The following EYA1 variants were observed in gnomAD, a reference collection of about 807,000 sequenced individuals.
EYA1 encodes the protein protein phosphatase EYA1.
Under a neutral mutation model 82.0 loss-of-function variants are expected in EYA1, and 16 were observed. That is an observed-to-expected ratio of 0.20 (90% CI 0.13 to 0.30). The LOEUF is 0.30. Ranked by LOEUF, EYA1 falls within the 10% of genes least tolerant of loss-of-function variation. The pLI is 1.00. For synonymous variants in EYA1, 261 were observed against 264.4 expected (o/e 0.99, Z 0.12); for missense variants, 633 against 730.7 (o/e 0.87, Z 1.54).
chr8:71,372,960 T>C (rs78363885), intron 2 of EYA1, among the ~76,000 whole-genome samples: 2,786 of 152,092 alleles, frequency 0.018, 41 homozygotes, highest in South Asian at 0.081. Context: ...CTCAATGAAA[T>C]AGGTGTAGAA....
chr8:71,285,102 C>T (rs550850665), intron 9 of EYA1, among the ~76,000 whole-genome samples: 7 of 152,286 alleles, frequency 4.6e-5, no homozygotes, highest in South Asian at 2.1e-4. Flanking sequence ...GGTAATGAAA[C>T]GTTGACGAAC....
At chr8:71,368,131 G>C (rs1827862813) in intron 2 of EYA1, among the ~76,000 whole-genome samples, 1 of 152,162 alleles carries the variant, frequency 6.6e-6, no homozygotes, top group South Asian at 2.1e-4. Context: ...GAAATACAGA[G>C]TAAAGCAAAG....
intron 2 of EYA1, among the ~76,000 whole-genome samples, chr8:71,449,657 A>G (rs1029893717): frequency 6.6e-6 from 1 of 152,224 alleles, no homozygotes; most frequent in Non-Finnish European, 1.5e-5. Flanking sequence ...CAATGGATTC[A>G]ACTTAAACTC....
chr8:71,425,574 GA>G (rs35543899), intron 2 of EYA1, among the ~76,000 whole-genome samples: 1 of 152,132 alleles, frequency 6.6e-6, no homozygotes, highest in East Asian at 1.9e-4. Context: ...CATAAGGGGG[GA>G]AATTTCCCTT....
chr8:71,299,871 T>C, intron 7 of EYA1, 151 bp from the exon 8 acceptor site: 1 of 624,812 alleles, frequency 1.6e-6, no homozygotes, highest in South Asian at 1.8e-5. Context: ...TTTCTTAACA[T>C]AGTTGATGAT....
At chr8:71,503,855 TG>T (rs1246013893) in intron 2 of EYA1, among the ~76,000 whole-genome samples, 1 of 152,134 alleles carries the variant, frequency 6.6e-6, no homozygotes, top group Non-Finnish European at 1.5e-5. Flanking sequence ...TGAATCTAGG[TG>T]TCTCCAATTC....
At chr8:71,365,998 C>A (rs762893310), upstream of EYA1, among the ~76,000 whole-genome samples, 1 of 152,118 alleles carries the variant, frequency 6.6e-6, no homozygotes. Flanking sequence ...TATTTTAATA[C>A]ATATTACAGT....
chr8:71,450,550 A>C (rs1347650489), intron 2 of EYA1, among the ~76,000 whole-genome samples: 1 of 152,226 alleles, frequency 6.6e-6, no homozygotes, highest in Non-Finnish European at 1.5e-5. Context: ...AGATTATCAT[A>C]ACAGATACAA....
intron 4 of EYA1, among the ~76,000 whole-genome samples, chr8:71,331,735 C>T (rs1320428721): frequency 6.6e-6 from 1 of 152,108 alleles, no homozygotes; most frequent in African/African-American, 2.4e-5. Context: ...TTTCTCAAGA[C>T]ACGTTTTAAA....
intron 2 of EYA1, among the ~76,000 whole-genome samples, chr8:71,452,071 T>C (rs1807428414): frequency 6.6e-6 from 1 of 152,202 alleles, no homozygotes; most frequent in Non-Finnish European, 1.5e-5. Flanking sequence ...ACTCCCACCC[T>C]AATACTGCAC....
chr8:71,464,856 A>G (rs1808662492), intron 2 of EYA1, among the ~76,000 whole-genome samples: 1 of 152,194 alleles, frequency 6.6e-6, no homozygotes, highest in East Asian at 1.9e-4. Context: ...CCTATTGGTG[A>G]TCTTGCAAAG....
chr8:71,467,181 TA>T (rs1450783761), intron 2 of EYA1, among the ~76,000 whole-genome samples: 5 of 152,038 alleles, frequency 3.3e-5, no homozygotes, highest in Non-Finnish European at 7.4e-5. Context: ...ATATATACAT[TA>T]TTTTAAAAAA....
At chr8:71,221,154 C>G (rs1809857752) in intron 12 of EYA1, among the ~76,000 whole-genome samples, 1 of 152,162 alleles carries the variant, frequency 6.6e-6, no homozygotes, top group South Asian at 2.1e-4. Context: ...TGGTCCACCG[C>G]TTGTCCTTGT....
At chr8:71,272,038 G>T in intron 9 of EYA1, 141 bp from the exon 10 acceptor site, 1 of 881,278 alleles carries the variant, frequency 1.1e-6, no homozygotes. Flanking sequence ...TTTTACTTGC[G>T]CTGGTAAATA....
chr8:71,375,204 C>A (rs149606960), intron 2 of EYA1, among the ~76,000 whole-genome samples: 1 of 152,092 alleles, frequency 6.6e-6, no homozygotes, highest in Non-Finnish European at 1.5e-5. Flanking sequence ...ATTTGTTTGA[C>A]TACAGCAATA....
chr8:71,302,328 A>C (rs1820284810), intron 7 of EYA1, among the ~76,000 whole-genome samples: 1 of 152,190 alleles, frequency 6.6e-6, no homozygotes, highest in Admixed American at 6.5e-5. Context: ...TTATCCCCTG[A>C]AATGAAGTAG....
At chr8:71,199,554 A>G in intron 17 of EYA1, 134 bp from the exon 18 acceptor site, 1 of 685,782 alleles carries the variant, frequency 1.5e-6, no homozygotes, top group Non-Finnish European at 2.7e-6. Context: ...TTAACATCAC[A>G]TCTGTTTAAA....
chr8:71,544,113 C>A (rs1158895065), intron 1 of EYA1, among the ~76,000 whole-genome samples: 1 of 152,150 alleles, frequency 6.6e-6, no homozygotes, highest in African/African-American at 2.4e-5. Context: ...GGCACTGACT[C>A]AGGGTTTCTT....
At chr8:71,347,479 C>T (rs1194132780) in intron 3 of EYA1, among the ~76,000 whole-genome samples, 3 of 152,048 alleles carry the variant, frequency 2.0e-5, no homozygotes, top group Admixed American at 1.3e-4. Flanking sequence ...CACACTGCCT[C>T]GCCTGGATAA....
Sources: gnomAD v4.1 joint callset for allele counts (sites outside exome capture counted in the v4.1 genomes callset) on GRCh38, gnomAD v4.1.1 for gene constraint, MANE v1.5 for transcripts, NCBI Gene and HGNC (gene_info 2026-07-23, HGNC 2026-07-21) for gene names.